The following EPHB1 variants were observed in gnomAD, a reference collection of about 807,000 sequenced individuals.
EPHB1 encodes EPH receptor B1.
EPHB1 carries 30 observed loss-of-function variants against 94.4 expected under a neutral mutation model. That is an observed-to-expected ratio of 0.32 (90% CI 0.24 to 0.43). The LOEUF is 0.43. EPHB1 is among the 20% of genes least tolerant of loss of function. The pLI is 1.00. For synonymous variants in EPHB1, 522 were observed against 489.1 expected (o/e 1.07, Z -0.89); for missense variants, 1,055 against 1,308.3 (o/e 0.81, Z 2.99).
chr3:135,015,246 G>GTT (rs59675045), intron 3 of EPHB1, among the ~76,000 whole-genome samples: 4,125 of 146,050 alleles, frequency 0.028, 187 homozygotes, highest in African/African-American at 0.095. Context: ...CCAGTGCCTG[G>GTT]TTTTTTTTTT....
chr3:135,030,368 G>C (rs1435355017), intron 3 of EPHB1, among the ~76,000 whole-genome samples: 1 of 152,104 alleles, frequency 6.6e-6, no homozygotes, highest in Non-Finnish European at 1.5e-5. Context: ...TCTACTTTTG[G>C]TCTTTGATGA....
intron 1 of EPHB1, among the ~76,000 whole-genome samples, chr3:134,825,232 G>T (rs186085905): frequency 4.6e-5 from 7 of 152,338 alleles, no homozygotes; most frequent in Admixed American, 3.9e-4. Flanking sequence ...TGCCCTAAAG[G>T]AGGCAGGCTG....
chr3:134,951,927 C>G lies in EPHB1; in HGVS notation c.680C>G (p.Pro227Arg). The G allele has an allele frequency of 6.2e-7, 1 of 1,614,016 alleles. No individual in the cohort carries two copies. The highest frequency in any genetic ancestry group is 8.5e-7 in the Non-Finnish European group (1 of 1,179,898). ...GTGATTGCTCGGGGCACATGCATCC[C>G]CAACGCAGAGGAAGTGGACGTGCCC... ...SLVIARGTCI[P>R]NAEEVDVPIK... is the part of the protein sequence containing the mutation. The change falls in exon 3 of 16, where the codon CCC becomes CGC. Residue 227 changes from proline to arginine, a missense_variant. Physicochemically the swap from Pro to Arg is moderately radical, Grantham distance 103. Coordinates refer to ENST00000398015, the MANE Select transcript of EPHB1 (RefSeq NM_004441.5). This position sits in a 1 kb window ranked among gnomAD's most constrained non-coding sequence, Gnocchi z 4.5.
intron 12 of EPHB1, among the ~76,000 whole-genome samples, chr3:135,227,994 G>T (rs1211293706): frequency 6.6e-6 from 1 of 152,016 alleles, no homozygotes; most frequent in Non-Finnish European, 1.5e-5. Context: ...CTAAGAATAG[G>T]GAGGGATATT....
rs1349743971 is a variant in EPHB1 at position 135,005,010 on chromosome 3, G to A, written c.805+52958G>A. ...TGTTCCGTTGCTGGTGAGGAGCTGC[G>A]TTCCTTTGCAGGAGGAGAGGCGCTC... On this transcript the variant is annotated intron_variant, in intron 3 of 15. Coordinates refer to ENST00000398015, the MANE Select transcript of EPHB1 (RefSeq NM_004441.5). Among the ~76,000 whole-genome samples the A allele has an allele frequency of 6.6e-5, 10 of 152,236 alleles. 1 individual carries two copies. In the South Asian group the frequency reaches 8.3e-4, roughly 13 times the overall value.
intron 1 of EPHB1, among the ~76,000 whole-genome samples, chr3:134,905,056 A>C (rs1355589875): frequency 6.6e-6 from 1 of 152,228 alleles, no homozygotes; most frequent in Non-Finnish European, 1.5e-5. Context: ...AGCACTGGTC[A>C]CCATGAGTCA....
intron 3 of EPHB1, among the ~76,000 whole-genome samples, chr3:135,098,242 T>A (rs908520842): frequency 6.6e-6 from 1 of 152,244 alleles, no homozygotes; most frequent in Non-Finnish European, 1.5e-5. Context: ...ACTAAAGTCA[T>A]GTATATGTAA....
At chr3:135,120,790 C>T (rs1477509051) in intron 4 of EPHB1, among the ~76,000 whole-genome samples, 2 of 152,200 alleles carry the variant, frequency 1.3e-5, no homozygotes. Flanking sequence ...AGTCACTTCC[C>T]AGCTGTTATC....
At chr3:135,017,898 G>A (rs1046770644) in intron 3 of EPHB1, among the ~76,000 whole-genome samples, 4 of 152,062 alleles carry the variant, frequency 2.6e-5, no homozygotes, top group Admixed American at 6.6e-5. Flanking sequence ...TTAATGAAGG[G>A]GCCCTTAAAC....
chr3:135,234,832 C>T (rs1467353662), intron 12 of EPHB1, among the ~76,000 whole-genome samples: 2 of 152,144 alleles, frequency 1.3e-5, no homozygotes, highest in East Asian at 3.8e-4. Context: ...AGTAATCACC[C>T]TCATGATTAA....
At position 135,259,301 on chromosome 3, in the gene EPHB1, G is replaced by A. The variant is rs1933549215; in HGVS notation, c.*181G>A. The A allele has an allele frequency of 2.1e-6, 1 of 485,354 alleles. No homozygotes were observed. Among genetic ancestry groups the A allele is most frequent in the South Asian group, 3.7e-5 (1 of 26,896 alleles). The allele number at this position is 485,354 out of a possible 1,614,324, so 30.1% of individuals were successfully genotyped here. A position where few individuals can be genotyped will look rare whatever the true frequency, so the allele number is the denominator to read the frequency against. Reference sequence around the variant, plus strand: ...CAATCTCCATTTCTCAGTGACAGAAGCATGTTTGAGATGCCGTGGGAAACC... The same window carrying A: ...CAATCTCCATTTCTCAGTGACAGAAACATGTTTGAGATGCCGTGGGAAACC... On this transcript the variant is annotated 3_prime_UTR_variant, in exon 16 of 16. Transcript: ENST00000398015.
intron 3 of EPHB1, among the ~76,000 whole-genome samples, chr3:135,027,867 C>T (rs200817373): frequency 8.0e-6 from 1 of 125,676 alleles, no homozygotes. Context: ...ACTCTTTTTG[C>T]TTGGTAAGGT....
chr3:135,135,925 T>C (rs2107688570), intron 5 of EPHB1, among the ~76,000 whole-genome samples: 1 of 152,364 alleles, frequency 6.6e-6, no homozygotes, highest in Admixed American at 6.5e-5. Flanking sequence ...TTTGTGTTTC[T>C]TTTGAGTTCA....
chr3:134,828,511 A>G (rs912875068), intron 1 of EPHB1, among the ~76,000 whole-genome samples: 12 of 152,178 alleles, frequency 7.9e-5, no homozygotes, highest in African/African-American at 1.9e-4. Flanking sequence ...GCCTCAATCT[A>G]TCATTTTATA....
At chr3:135,205,293 G>A (rs1165919699) in intron 12 of EPHB1, among the ~76,000 whole-genome samples, 1 of 152,016 alleles carries the variant, frequency 6.6e-6, no homozygotes, top group African/African-American at 2.4e-5. Flanking sequence ...CTATCGGGTT[G>A]TTTGTTGATT....
At chr3:134,985,282 T>A (rs1349157772) in intron 3 of EPHB1, among the ~76,000 whole-genome samples, 1 of 151,910 alleles carries the variant, frequency 6.6e-6, no homozygotes, top group African/African-American at 2.4e-5. Flanking sequence ...GCCTCCCGAG[T>A]AGAGTAGCTG....
chr3:134,858,894 C>T (rs1418476256), intron 1 of EPHB1, among the ~76,000 whole-genome samples: 1 of 152,188 alleles, frequency 6.6e-6, no homozygotes, highest in Non-Finnish European at 1.5e-5. Flanking sequence ...ATACGGGGCC[C>T]CTTCCCACTG....
chr3:134,953,754 A>G (rs746856890), intron 3 of EPHB1, among the ~76,000 whole-genome samples: 1 of 152,186 alleles, frequency 6.6e-6, no homozygotes, highest in Non-Finnish European at 1.5e-5. Context: ...TTCTGATTTA[A>G]TTGGGTCTCT....
chr3:134,829,624 T>C (rs1388050387), intron 1 of EPHB1, among the ~76,000 whole-genome samples: 10 of 152,200 alleles, frequency 6.6e-5, no homozygotes, highest in Non-Finnish European at 1.0e-4. Flanking sequence ...AGTATATTCT[T>C]ATTAAATATT....
Sources: allele counts gnomAD v4.1 joint callset (sites outside exome capture counted in the v4.1 genomes callset), GRCh38; gene constraint gnomAD v4.1.1; non-coding constraint Gnocchi (gnomAD v3.1); transcripts MANE v1.5; gene names NCBI Gene and HGNC (gene_info 2026-07-23, HGNC 2026-07-21).